Variants in MS4A15 observed in about 807,000 individuals in gnomAD.
MS4A15 encodes membrane spanning 4-domains A15.
MS4A15 carries 22 observed loss-of-function variants against 20.6 expected under a neutral mutation model. That is an observed-to-expected ratio of 1.07 (90% CI 0.76 to 1.52). The LOEUF (loss-of-function observed/expected upper bound fraction) is 1.52, where lower values mean the gene tolerates loss of function less well. Ranked by LOEUF, MS4A15 falls within the 40% of genes most tolerant of loss-of-function variation. The pLI, the probability that MS4A15 is intolerant of heterozygous loss-of-function variation, is 0.00. For synonymous variants in MS4A15, 129 were observed against 129.3 expected (o/e 1.00, Z 0.02); for missense variants, 312 against 323.0 (o/e 0.97, Z 0.26).
intron 6 of MS4A15, 47 bp downstream of exon 6, chr11:60,773,997 G>T: frequency 1.3e-6 from 2 of 1,500,642 alleles, no homozygotes. Flanking sequence ...CCTGAGCTGA[G>T]CCTGTGTGGA....
chr11:60,757,486 G>A (rs1853624040), intron 1 of MS4A15, among the ~76,000 whole-genome samples: 1 of 152,162 alleles, frequency 6.6e-6, no homozygotes, highest in South Asian at 2.1e-4. Context: ...AAGAACAGGA[G>A]CCAACCAGGA....
intron 1 of MS4A15, among the ~76,000 whole-genome samples, chr11:60,761,452 G>A (rs909177925): frequency 6.6e-6 from 1 of 152,156 alleles, no homozygotes; most frequent in Admixed American, 6.5e-5. Context: ...ATATAAGTTT[G>A]AGGCCATTCA....
Position 60,773,480 on chromosome 11 carries a change from A to G in MS4A15, c.494A>G (p.Asn165Ser), listed in dbSNP as rs1378864109. The change falls in exon 5 of 7, where the codon AAC becomes AGC. Residue 165 changes from asparagine (N) to serine (S), a missense_variant. Physicochemically the swap from Asn to Ser is conservative, Grantham distance 46 (BLOSUM62 1). Coordinates refer to ENST00000405633, the MANE Select transcript of MS4A15 (RefSeq NM_001098835.2). Reference protein sequence around the residue: ...AILLMDFGVTNRDVDRGYLAV... With the variant: ...AILLMDFGVTSRDVDRGYLAV... ...CTGCTCATGGATTTTGGTGTTACCA[A>G]CCGGGTGCGTTGTCAGATGGCCCTC... The G allele has an allele frequency of 3.1e-6, 5 of 1,613,636 alleles. No individual in the cohort carries two copies. Among genetic ancestry groups the G allele is most frequent in the South Asian group, 1.1e-5 (1 of 91,070 alleles).
chr11:60,760,343 T>C (rs1033015337), intron 1 of MS4A15, among the ~76,000 whole-genome samples: 5 of 152,252 alleles, frequency 3.3e-5, no homozygotes, highest in Non-Finnish European at 2.9e-5. Flanking sequence ...AAACTTATCC[T>C]GATTGCCAAT....
At position 60,771,553 on chromosome 11, in the gene MS4A15, A is replaced by T. The variant is rs1040110527; in HGVS notation, c.405+206A>T. The stretch of plus-strand genomic sequence containing the variant: ...AAGAAGACAGGGATACTCTTTCAAT[A>T]CACAAGCCAGGGTGGAAAGTGAGGT... On this transcript the variant is annotated intron_variant, in intron 4 of 6. Transcript: ENST00000405633. 2.6e-6 allele frequency: 4 copies of T among 1,529,714 alleles called. No individual in the cohort carries two copies. The African/African-American group carries it at 4.1e-5, about 16-fold the overall frequency. 94.8% of individuals were successfully genotyped at this position (1,529,714 alleles called of 1,614,324 possible).
At chr11:60,772,233 C>T (rs189351616) in intron 4 of MS4A15, among the ~76,000 whole-genome samples, 1 of 152,130 alleles carries the variant, frequency 6.6e-6, no homozygotes, top group East Asian at 1.9e-4. Context: ...AGGGGTGGGC[C>T]GAGAGGGAGA....
rs999419671 is a variant in MS4A15 at position 60,767,767 on chromosome 11, G to A, written c.348+112G>A. The A allele has an allele frequency of 1.4e-5, 18 of 1,276,008 alleles. No homozygotes were observed. The Admixed American group carries it at 4.2e-4, about 30-fold the overall frequency. The allele number at this position is 1,276,008 out of a possible 1,614,324, so 79.0% of individuals were successfully genotyped here. A position where few individuals can be genotyped will look rare whatever the true frequency, so the allele number is the denominator to read the frequency against. On this transcript the variant is annotated intron_variant, in intron 3 of 6. Coordinates refer to ENST00000405633, the MANE Select transcript of MS4A15 (RefSeq NM_001098835.2). ...TGGGCACAGCCTCTCCTAGGTGGGG[G>A]CCTGGAGGCACTTCCTAGAAGAACT...
chr11:60,760,115 C>T (rs2134698970), intron 1 of MS4A15, among the ~76,000 whole-genome samples: 1 of 152,286 alleles, frequency 6.6e-6, no homozygotes, highest in South Asian at 2.1e-4. Flanking sequence ...CGATCATCAC[C>T]CTCTTTACAT....
intron 3 of MS4A15, among the ~76,000 whole-genome samples, chr11:60,770,882 T>C (rs1208881796): frequency 1.3e-5 from 2 of 152,012 alleles, no homozygotes; most frequent in South Asian, 2.1e-4. Context: ...ATTTTTGTAT[T>C]TTTAGTAGAG....
At chr11:60,771,841 C>A in intron 4 of MS4A15, 2 of 1,110,366 alleles carry the variant, frequency 1.8e-6, no homozygotes, top group Non-Finnish European at 2.3e-6. Context: ...TTGGTGCCTT[C>A]TGCAGGCACT....
At chr11:60,768,362 C>T (rs568279225) in intron 3 of MS4A15, among the ~76,000 whole-genome samples, 98 of 152,310 alleles carry the variant, frequency 6.4e-4, no homozygotes, top group Non-Finnish European at 1.0e-3. Context: ...CCAACCAGCT[C>T]TGAAGCCCCT....
chr11:60,762,875 C>G (rs1351449017), intron 1 of MS4A15, among the ~76,000 whole-genome samples: 5 of 152,086 alleles, frequency 3.3e-5, no homozygotes, highest in African/African-American at 1.2e-4. Flanking sequence ...AAAAACAGGA[C>G]AAGGATTGAG....
chr11:60,771,659 A>G (rs1256930792), intron 4 of MS4A15: 19 of 1,412,576 alleles, frequency 1.3e-5, no homozygotes, highest in Non-Finnish European at 1.8e-5. Context: ...GTGAGCAGAG[A>G]GGACTTAGAA....
intron 2 of MS4A15, among the ~76,000 whole-genome samples, chr11:60,765,790 G>A (rs988209769): frequency 6.6e-6 from 1 of 151,542 alleles, no homozygotes. Context: ...GACACCAAGG[G>A]CCACACAGCC....
At chr11:60,775,069 A>C (rs774537190) in intron 6 of MS4A15, among the ~76,000 whole-genome samples, 3 of 152,190 alleles carry the variant, frequency 2.0e-5, no homozygotes, top group Non-Finnish European at 2.9e-5. Flanking sequence ...TAACCCCGGC[A>C]CTTTGGGAGG....
chr11:60,765,622 A>C lies in MS4A15; in HGVS notation c.225+1664A>C, dbSNP rs182061124. Among the ~76,000 whole-genome samples the C allele has an allele frequency of 2.0e-5, 3 of 152,326 alleles. No homozygotes were observed. The East Asian group carries it at 5.8e-4, about 29-fold the overall frequency. Reference sequence around the variant, plus strand: ...TTTGCCTAAGGCCACACAGCTGATAAATGGCATCCTGTAAACTAGGGATGG... The same window carrying C: ...TTTGCCTAAGGCCACACAGCTGATACATGGCATCCTGTAAACTAGGGATGG... On this transcript the variant is annotated intron_variant, in intron 2 of 6. Transcript: ENST00000405633.
At position 60,775,913 on chromosome 11, in the gene MS4A15, A is replaced by G. The variant is rs1189249318; in HGVS notation, c.*198A>G. 4 of 497,432 alleles carry G rather than the reference A, an allele frequency of 8.0e-6. No individual in the cohort carries two copies. The highest frequency in any genetic ancestry group is 1.4e-5 in the Non-Finnish European group (4 of 277,884). 30.8% of individuals were successfully genotyped at this position (497,432 alleles called of 1,614,324 possible). ...CTTTCCCCAGTGCTTTCTTTCTAAA[A>G]GACACCGGGCTGACGTCAGGGGTGT... On this transcript the variant is annotated 3_prime_UTR_variant, in exon 7 of 7. Coordinates refer to ENST00000405633, the MANE Select transcript of MS4A15 (RefSeq NM_001098835.2).
chr11:60,771,616 G>A, intron 4 of MS4A15: 1 of 1,484,282 alleles, frequency 6.7e-7, no homozygotes, highest in African/African-American at 1.4e-5. Flanking sequence ...AAAGATGCTA[G>A]AAGATCTCCT....
intron 1 of MS4A15, among the ~76,000 whole-genome samples, chr11:60,759,698 G>C (rs980171741): frequency 6.6e-6 from 1 of 152,240 alleles, no homozygotes; most frequent in South Asian, 2.1e-4. Context: ...CTGGAGGCGA[G>C]ATATGCTGGC....
Sources: allele counts gnomAD v4.1 joint callset (sites outside exome capture counted in the v4.1 genomes callset), GRCh38; gene constraint gnomAD v4.1.1; transcripts MANE v1.5; gene names NCBI Gene and HGNC (gene_info 2026-07-23, HGNC 2026-07-21).